The following NLGN1 variants were observed in gnomAD, a reference collection of about 807,000 sequenced individuals.
The protein encoded by NLGN1 is neuroligin 1, also known as neuroligin-1.
A neutral mutation model predicts 65.5 loss-of-function variants in NLGN1; 12 were observed. That is an observed-to-expected ratio of 0.18 (90% CI 0.12 to 0.30). NLGN1 has a LOEUF of 0.30. Among genes scored for constraint, NLGN1 ranks in the 10% least tolerant of loss-of-function variants. NLGN1 has a pLI of 1.00. For synonymous variants in NLGN1, 350 were observed against 359.5 expected, an observed-to-expected ratio of 0.97 and a Z score of 0.30; for missense variants, 750 against 1,007.1, an observed-to-expected ratio of 0.74 and a Z score of 3.46.
chr3:174,293,036 A>C, the NLGN1 span, among the ~76,000 whole-genome samples: 1 of 151,624 alleles, frequency 6.6e-6, no homozygotes, highest in South Asian at 2.1e-4. Context: ...AATTGCAAGA[A>C]AAAAAACACA....
At chr3:173,405,069 T>G (rs1718373602) in intron 1 of NLGN1, among the ~76,000 whole-genome samples, 1 of 152,098 alleles carries the variant, frequency 6.6e-6, no homozygotes, top group Non-Finnish European at 1.5e-5. Context: ...TTAAAAAAAT[T>G]TATCCTATTC....
rs187005937 is a variant in NLGN1, at chr3:173,459,142, T to C, written c.-321+24064T>C. On this transcript the variant is annotated intron_variant, in intron 2 of 6. Transcript: ENST00000457714. The stretch of plus-strand genomic sequence containing the variant: ...AGCCCATCTCTTCCTCTAGACTAAA[T>C]TACATGATCTTACAGCAGTAATCTG... 6.0e-3 allele frequency among the ~76,000 whole-genome samples: 919 copies of C among 152,210 alleles called. 14 individuals carry two copies. Among genetic ancestry groups the C allele is most frequent in the African/African-American group, 0.021 (888 of 41,560 alleles).
chr3:174,151,887 A>C (rs1247936357), intron 4 of NLGN1, among the ~76,000 whole-genome samples: 3 of 152,132 alleles, frequency 2.0e-5, no homozygotes, highest in African/African-American at 7.2e-5. Context: ...TTAAAACTCC[A>C]TTTCTGAGTT....
At chr3:174,276,165 G>A (rs1750527569) in intron 5 of NLGN1, among the ~76,000 whole-genome samples, 1 of 151,732 alleles carries the variant, frequency 6.6e-6, no homozygotes, top group Non-Finnish European at 1.5e-5. Flanking sequence ...CCTAAACTTG[G>A]CAAGGCAGCA....
chr3:174,027,369 G>T (rs1481138308), intron 4 of NLGN1, among the ~76,000 whole-genome samples: 1 of 151,982 alleles, frequency 6.6e-6, no homozygotes, highest in Non-Finnish European at 1.5e-5. Context: ...AGCTATTTCT[G>T]TTTACCATTT....
intron 3 of NLGN1, among the ~76,000 whole-genome samples, chr3:173,778,550 T>A (rs2150307516): frequency 6.6e-6 from 1 of 151,998 alleles, no homozygotes; most frequent in South Asian, 2.1e-4. Context: ...TAAAAATGAA[T>A]TTTTGCCATT....
intron 3 of NLGN1, among the ~76,000 whole-genome samples, chr3:173,716,254 T>G (rs1299499644): frequency 6.6e-6 from 1 of 152,186 alleles, no homozygotes; most frequent in Non-Finnish European, 1.5e-5. Flanking sequence ...TCTCTATTTT[T>G]GGAAAGATGG....
intron 4 of NLGN1, among the ~76,000 whole-genome samples, chr3:174,240,601 AC>A (rs2152829992): frequency 6.6e-6 from 1 of 152,308 alleles, no homozygotes; most frequent in East Asian, 1.9e-4. Context: ...AAAATCGCAC[AC>A]CCAGTCTCTC....
rs548193416 is a variant in NLGN1 at position 173,593,726 on chromosome 3, G to A, written c.-320-10553G>A. Among the ~76,000 whole-genome samples the A allele has an allele frequency of 1.3e-4, 20 of 152,272 alleles. No homozygotes were observed. The South Asian group carries it at 1.9e-3, about 14-fold the overall frequency. On this transcript the variant is annotated intron_variant, in intron 2 of 6. Coordinates refer to ENST00000457714, the Ensembl canonical transcript of NLGN1. The stretch of plus-strand genomic sequence containing the variant: ...TTCCAGGGCTGTGCTGTATTAGTCT[G>A]TTTTCATGCTGCTGATAAAGACACA...
chr3:173,478,701 A>G (rs969154992), intron 2 of NLGN1, among the ~76,000 whole-genome samples: 21 of 152,226 alleles, frequency 1.4e-4, no homozygotes, highest in African/African-American at 4.8e-4. Context: ...AGGGCGGATC[A>G]CATGAGGCCA....
At chr3:173,565,535 G>T (rs1396357913) in intron 2 of NLGN1, among the ~76,000 whole-genome samples, 1 of 152,092 alleles carries the variant, frequency 6.6e-6, no homozygotes, top group Non-Finnish European at 1.5e-5. Flanking sequence ...ATTATGATGG[G>T]CATAGGGGAG....
At chr3:173,901,148 A>C (rs1737277596) in intron 4 of NLGN1, among the ~76,000 whole-genome samples, 1 of 151,912 alleles carries the variant, frequency 6.6e-6, no homozygotes, top group African/African-American at 2.4e-5. Flanking sequence ...CTCACCTTCC[A>C]AAAAAATCCC....
rs1714183628 is a variant in NLGN1 at position 173,796,813 on chromosome 3, T to C, written c.494-10867T>C. Among the ~76,000 whole-genome samples the C allele has an allele frequency of 2.0e-5, 3 of 152,184 alleles. No individual in the cohort carries two copies. In the South Asian group the frequency reaches 6.2e-4, roughly 32 times the overall value. On this transcript the variant is annotated intron_variant, in intron 3 of 6. Coordinates refer to ENST00000457714, the Ensembl canonical transcript of NLGN1. The stretch of plus-strand genomic sequence containing the variant: ...TTAGAATGTTGTTAATAACTGTTAT[T>C]TCTATTTGAAGGATAAATGTGTTAC...
chr3:173,896,753 T>C (rs1240229232), intron 4 of NLGN1, among the ~76,000 whole-genome samples: 1 of 152,090 alleles, frequency 6.6e-6, no homozygotes, highest in Non-Finnish European at 1.5e-5. Context: ...AGCCCTGAAA[T>C]CTCCAGCTGT....
At chr3:174,122,269 C>G (rs1717941165) in intron 4 of NLGN1, among the ~76,000 whole-genome samples, 1 of 152,160 alleles carries the variant, frequency 6.6e-6, no homozygotes, top group South Asian at 2.1e-4. Context: ...CAGATAACCT[C>G]TTTGAGATCA....
At chr3:173,505,000 C>G (rs977045640) in intron 2 of NLGN1, among the ~76,000 whole-genome samples, 1 of 151,986 alleles carries the variant, frequency 6.6e-6, no homozygotes, top group Non-Finnish European at 1.5e-5. Flanking sequence ...CTCATGGACA[C>G]CTCAAGTTTA....
At position 173,966,960 on chromosome 3, in the gene NLGN1, C is replaced by G. The variant is rs575345242; in HGVS notation, c.646+159128C>G. 3.3e-5 allele frequency among the ~76,000 whole-genome samples: 5 copies of G among 152,226 alleles called. No individual in the cohort carries two copies. The East Asian group carries it at 9.7e-4, about 29-fold the overall frequency. Reference sequence around the variant, plus strand: ...ATATCTTTAGTAGTTGAATTGGAGACTAAAATCTGGAAAAAATTCATATAG... The same window carrying G: ...ATATCTTTAGTAGTTGAATTGGAGAGTAAAATCTGGAAAAAATTCATATAG... On this transcript the variant is annotated intron_variant, in intron 4 of 6. Transcript: ENST00000457714.
At chr3:174,096,991 G>C (rs1561033695) in intron 4 of NLGN1, among the ~76,000 whole-genome samples, 1 of 147,220 alleles carries the variant, frequency 6.8e-6, no homozygotes, top group African/African-American at 2.5e-5. Flanking sequence ...GTGTCTATAA[G>C]TTTTTTTTTT....
chr3:173,589,260 A>G (rs1315611736), intron 2 of NLGN1, among the ~76,000 whole-genome samples: 1 of 152,160 alleles, frequency 6.6e-6, no homozygotes, highest in African/African-American at 2.4e-5. Flanking sequence ...CTTTATGTAC[A>G]TAATATTAGT....
Sources: gnomAD v4.1 joint callset for allele counts (sites outside exome capture counted in the v4.1 genomes callset) on GRCh38, gnomAD v4.1.1 for gene constraint, MANE v1.5 for transcripts, NCBI Gene and HGNC (gene_info 2026-07-23, HGNC 2026-07-21) for gene names.